The following TRAF2 variants were observed in gnomAD, a reference collection of about 807,000 sequenced individuals.
TRAF2 encodes TNF receptor associated factor 2.
TRAF2 carries 6 observed loss-of-function variants against 55.6 expected under a neutral mutation model. That is an observed-to-expected ratio of 0.11 (90% CI 0.06 to 0.21). The LOEUF (loss-of-function observed/expected upper bound fraction) is 0.21. TRAF2 is among the 10% of genes least tolerant of loss of function. The pLI is 1.00. For missense variants in TRAF2, 561 were observed against 684.5 expected (o/e 0.82, Z 2.01); for synonymous variants, 329 against 276.3 (o/e 1.19, Z -1.89).
intron 4 of TRAF2, among the ~76,000 whole-genome samples, chr9:136,904,469 G>A (rs1195340996): frequency 6.6e-6 from 1 of 152,066 alleles, no homozygotes; most frequent in Admixed American, 6.5e-5. Context: ...GCAGTGGCAC[G>A]ATCCCGGCTC....
At chr9:136,922,151 A>C (rs957168635) in intron 9 of TRAF2, among the ~76,000 whole-genome samples, 2 of 152,208 alleles carry the variant, frequency 1.3e-5, no homozygotes, top group Non-Finnish European at 2.9e-5. Context: ...AAAGAGACCC[A>C]AGCGTCATCT....
chr9:136,886,496 C>T, upstream of TRAF2: 3 of 1,001,378 alleles, frequency 3.0e-6, no homozygotes, highest in Non-Finnish European at 3.6e-6. Flanking sequence ...GCGTTGGGGG[C>T]GGTAGCTGGG....
chr9:136,887,545 C>T (rs1405777532), intron 1 of TRAF2, among the ~76,000 whole-genome samples: 1 of 152,116 alleles, frequency 6.6e-6, no homozygotes, highest in Non-Finnish European at 1.5e-5. Context: ...GAAGACGGGG[C>T]TCGGAGGAGG....
In TRAF2 at chr9:136,925,722, G is replaced by A. The variant is rs373560625; in HGVS notation, c.1327G>A (p.Val443Met). The A allele has an allele frequency of 4.5e-5, 72 of 1,614,086 alleles. No homozygotes were observed. The highest frequency in any genetic ancestry group is 8.3e-5 in the Admixed American group (5 of 60,012). The change falls in exon 11 of 11, where the codon GTG becomes ATG. Residue 443 changes from valine (V) to methionine (M), a missense_variant. Around this residue, in one of 2 missense-constraint regions of TRAF2, gnomAD observed 135 missense variants for 207.7 expected, o/e 0.65. Coordinates refer to ENST00000247668, the MANE Select transcript of TRAF2 (RefSeq NM_021138.4). ...MLLDQNNREHVIDAFRPDVTS... is the reference protein window; with the variant it reads ...MLLDQNNREHMIDAFRPDVTS... ...GCTCGACCAGAATAACCGGGAGCACGTGATTGACGCCTTCAGGCCCGACGT... is the reference window on the plus strand; with the variant it reads ...GCTCGACCAGAATAACCGGGAGCACATGATTGACGCCTTCAGGCCCGACGT...
intron 4 of TRAF2, among the ~76,000 whole-genome samples, chr9:136,907,117 C>T (rs556635750): frequency 3.3e-5 from 5 of 152,336 alleles, no homozygotes; most frequent in East Asian, 3.9e-4. Flanking sequence ...CTGGGTGTGG[C>T]GAGGAGCTGG....
upstream of TRAF2, chr9:136,882,712 T>G: frequency 1.0e-6 from 1 of 985,198 alleles, no homozygotes; most frequent in Non-Finnish European, 1.2e-6. Context: ...ATGGCCAGAG[T>G]GAGTCACCCC....
intron 1 of TRAF2, among the ~76,000 whole-genome samples, chr9:136,889,922 T>C (rs1365996980): frequency 2.0e-5 from 3 of 151,992 alleles, no homozygotes; most frequent in Non-Finnish European, 4.4e-5. Context: ...CCCCGCATGC[T>C]TGTTCAGCTC....
In TRAF2 at chr9:136,908,818, C is replaced by G. The variant is rs17250386; in HGVS notation, c.528+587C>G. ...CCAGGAGGCGGAGCTTGCAGTGAGC[C>G]GAGATTGCGCCACTGCACTCCAGCC... On this transcript the variant is annotated intron_variant, in intron 5 of 10. Transcript: ENST00000247668. Among the ~76,000 whole-genome samples the G allele has an allele frequency of 4.3e-4, 62 of 143,820 alleles. 1 individual carries two copies. The highest frequency in any genetic ancestry group is 1.6e-3 in the African/African-American group (61 of 38,284). The allele number at this position is 143,820 out of a possible 152,430, so 94.4% of individuals were successfully genotyped here. A position where few individuals can be genotyped will look rare whatever the true frequency, so the allele number is the denominator to read the frequency against.
intron 6 of TRAF2, among the ~76,000 whole-genome samples, 178 bp from the exon 7 acceptor site, chr9:136,916,363 G>GCA (rs1850240894): frequency 6.6e-6 from 1 of 152,104 alleles, no homozygotes. Context: ...ACGTGTGTGT[G>GCA]CACAGGTGTG....
At chr9:136,920,172 C>T (rs374868479) in intron 7 of TRAF2, 62 bp from the exon 8 acceptor site, 276 of 1,509,864 alleles carry the variant, frequency 1.8e-4, no homozygotes, top group African/African-American at 9.8e-4. Context: ...TCTTGGTGGC[C>T]GTCCCCGGGT....
At chr9:136,910,251 A>G (rs981486576) in intron 6 of TRAF2, among the ~76,000 whole-genome samples, 11 of 152,158 alleles carry the variant, frequency 7.2e-5, no homozygotes, top group African/African-American at 2.7e-4. Flanking sequence ...TCAGCAGGTC[A>G]CTTCCTAGTT....
chr9:136,912,152 C>CTTTTTTT (rs1180324647), intron 6 of TRAF2, among the ~76,000 whole-genome samples: 4 of 58,302 alleles, frequency 6.9e-5, no homozygotes, highest in African/African-American at 3.0e-4. Flanking sequence ...GCGTCTGGCC[C>CTTTTTTT]TTTTTTTTTT....
At chr9:136,884,589 C>T (rs1360352231), upstream of TRAF2, among the ~76,000 whole-genome samples, 2 of 152,064 alleles carry the variant, frequency 1.3e-5, no homozygotes, top group African/African-American at 4.8e-5. Context: ...CAGGGTCTCA[C>T]TCTATAGCGC....
intron 1 of TRAF2, among the ~76,000 whole-genome samples, chr9:136,890,799 T>G (rs1849566364): frequency 6.6e-6 from 1 of 152,212 alleles, no homozygotes; most frequent in Non-Finnish European, 1.5e-5. Flanking sequence ...CCTGGCTGTC[T>G]GGGGTTGTGT....
At chr9:136,900,814 C>A in intron 4 of TRAF2, 1 of 366,644 alleles carries the variant, frequency 2.7e-6, no homozygotes, top group Non-Finnish European at 5.2e-6. Flanking sequence ...AGGATCCCAC[C>A]ATCGTGGGGT....
chr9:136,900,727 G>A (rs1443219143), intron 4 of TRAF2: 2 of 604,976 alleles, frequency 3.3e-6, no homozygotes, highest in Non-Finnish European at 6.2e-6. Flanking sequence ...CTGCACCATG[G>A]AGCTTGGGCT....
intron 4 of TRAF2, 108 bp downstream of exon 4, chr9:136,900,628 T>C: frequency 1.1e-6 from 1 of 879,944 alleles, no homozygotes; most frequent in South Asian, 1.4e-5. Flanking sequence ...TCACTGGGGC[T>C]GAAGCCTGTC....
Position 136,887,650 on chromosome 9 carries a change from C to T in TRAF2, c.-29+1109C>T, listed in dbSNP as rs376504892. 2.3e-3 allele frequency among the ~76,000 whole-genome samples: 356 copies of T among 152,226 alleles called. 2 individuals carry two copies. The highest frequency in any genetic ancestry group is 8.2e-3 in the African/African-American group (341 of 41,530). On this transcript the variant is annotated intron_variant, in intron 1 of 10. Transcript: ENST00000247668. The stretch of plus-strand genomic sequence containing the variant: ...ATTTTGAAGGGACGGAATTACTGCC[C>T]TGTAACTCAGTCTCTCTCCCTGTTA...
chr9:136,909,901 C>G lies in TRAF2; in HGVS notation c.529-19C>G, dbSNP rs546708865. The stretch of plus-strand genomic sequence containing the variant: ...GGCATTGGCGTCCACCCTCACACTC[C>G]TGATCCCTTCTTTTGAAGGCGCACC... On this transcript the variant is annotated intron_variant, in intron 5 of 10. Coordinates refer to ENST00000247668, the MANE Select transcript of TRAF2 (RefSeq NM_021138.4). The G allele has an allele frequency of 1.2e-6, 2 of 1,614,036 alleles. No individual in the cohort carries two copies. Among genetic ancestry groups the G allele is most frequent in the East Asian group, 2.2e-5 (1 of 44,884 alleles).
Sources: gnomAD v4.1 joint callset for allele counts (sites outside exome capture counted in the v4.1 genomes callset) on GRCh38, gnomAD v4.1.1 for gene constraint, gnomAD v4.1.1 regional missense constraint, MANE v1.5 for transcripts, NCBI Gene and HGNC (gene_info 2026-07-23, HGNC 2026-07-21) for gene names.